C1orf87: variants seen among roughly 807,000 people sequenced by gnomAD.
C1orf87 encodes chromosome 1 open reading frame 87.
A neutral mutation model predicts 60.5 loss-of-function variants in C1orf87; 58 were observed. The ratio of observed to expected loss-of-function variants is 0.96; its 90% CI spans 0.78 to 1.19. The LOEUF (loss-of-function observed/expected upper bound fraction) is 1.19. Ranked by LOEUF, C1orf87 falls within the 50% of genes most tolerant of loss-of-function variation. The probability of loss-of-function intolerance (pLI) is 0.00; values close to 1 mark genes in which losing one functional copy is unlikely to be tolerated. For missense variants in C1orf87, 673 were observed against 638.6 expected, an observed-to-expected ratio of 1.05 and a Z score of -0.58; for synonymous variants, 236 against 227.4, an observed-to-expected ratio of 1.04 and a Z score of -0.34.
chr1:59,997,704 G>C lies in C1orf87; in HGVS notation c.1385C>G (p.Pro462Arg). 1 of 1,613,972 alleles carries C rather than the reference G, an allele frequency of 6.2e-7. No homozygotes were observed. Among genetic ancestry groups the C allele is most frequent in the East Asian group, 2.2e-5 (1 of 44,870 alleles). ...TTCCTCAGCCTTGTTCTTCACAGCT[G>C]GATTCACGAAGGGCTGGGAGACTGG... ...IRPVSQPFVNPAVKNKAEECE... is the reference protein window; with the variant it reads ...IRPVSQPFVNRAVKNKAEECE... Residue 462 changes from proline (P) to arginine (R), a missense_variant, in exon 11 of 12, where the codon CCA becomes CGA. Pro to Arg is a moderately radical substitution (Grantham distance 103, BLOSUM62 -2). Transcript: ENST00000371201.
chr1:60,024,049 T>C (rs11803780), intron 8 of C1orf87, among the ~76,000 whole-genome samples: 2,308 of 152,322 alleles, frequency 0.015, 48 homozygotes, highest in African/African-American at 0.053. Context: ...TTTATAAGTG[T>C]TCTTTTAATA....
chr1:60,054,534 T>C (rs556248682), intron 3 of C1orf87, among the ~76,000 whole-genome samples: 9 of 152,376 alleles, frequency 5.9e-5, no homozygotes, highest in Admixed American at 5.2e-4. Flanking sequence ...CTTGGCAGCA[T>C]TGCAAAACTC....
At chr1:59,997,003 TG>T (rs1267840231) in intron 11 of C1orf87, among the ~76,000 whole-genome samples, 4 of 152,100 alleles carry the variant, frequency 2.6e-5, no homozygotes, top group Non-Finnish European at 1.5e-5. Context: ...TAGATCTGTC[TG>T]GGAGTCTCAG....
chr1:59,996,034 A>G (rs960487768), intron 11 of C1orf87, among the ~76,000 whole-genome samples: 1 of 152,166 alleles, frequency 6.6e-6, no homozygotes, highest in Non-Finnish European at 1.5e-5. Context: ...TAATTCAACC[A>G]GATGAATCTT....
At chr1:60,025,845 A>T (rs1213708837) in intron 7 of C1orf87, among the ~76,000 whole-genome samples, 2 of 152,172 alleles carry the variant, frequency 1.3e-5, no homozygotes, top group Non-Finnish European at 2.9e-5. Flanking sequence ...ATATAGGTAA[A>T]TTGCTAAATG....
chr1:60,066,069 C>A (rs1240210239), intron 2 of C1orf87, among the ~76,000 whole-genome samples: 2 of 152,130 alleles, frequency 1.3e-5, no homozygotes, highest in East Asian at 1.9e-4. Context: ...TGCTAATAAT[C>A]ATCTGTGAGC....
chr1:60,061,303 A>G (rs1645495032), intron 2 of C1orf87, among the ~76,000 whole-genome samples: 1 of 152,138 alleles, frequency 6.6e-6, no homozygotes, highest in African/African-American at 2.4e-5. Flanking sequence ...CAAAGCTTCC[A>G]TATACACACA....
chr1:60,007,156 C>T (rs1645052514), intron 9 of C1orf87, among the ~76,000 whole-genome samples: 1 of 152,064 alleles, frequency 6.6e-6, no homozygotes, highest in African/African-American at 2.4e-5. Flanking sequence ...AAGTGATCCT[C>T]CCACTTAGGC....
chr1:60,054,647 T>C (rs1645439793), intron 3 of C1orf87, among the ~76,000 whole-genome samples: 1 of 152,228 alleles, frequency 6.6e-6, no homozygotes, highest in African/African-American at 2.4e-5. Flanking sequence ...CAGTTTTCAA[T>C]TGCTGCTTTA....
chr1:60,070,929 G>A (rs1286004329), intron 2 of C1orf87, among the ~76,000 whole-genome samples: 6 of 152,148 alleles, frequency 3.9e-5, no homozygotes. Flanking sequence ...GTTTGGGAGA[G>A]AATAAGGCTA....
At chr1:60,061,143 G>C (rs571807035) in intron 2 of C1orf87, among the ~76,000 whole-genome samples, 7 of 152,096 alleles carry the variant, frequency 4.6e-5, no homozygotes, top group Non-Finnish European at 8.8e-5. Flanking sequence ...AATCATTATT[G>C]CTATGTTATT....
Position 60,038,001 on chromosome 1 carries a change from T to A in C1orf87, c.854A>T (p.His285Leu), listed in dbSNP as rs557540091. ...AAAGGGAGAAGAGTACCTTTGGCTA[T>A]GAGTGCCATGACTCTCAGTTTTTCT... Reference protein sequence around the residue: ...DLRKTESHGTHSQSTPPQHSS... With the variant: ...DLRKTESHGTLSQSTPPQHSS... The change falls in exon 6 of 12, where the codon CAT becomes CTT. Residue 285 changes from histidine to leucine, a missense_variant. Physicochemically the swap from His to Leu is moderately conservative, Grantham distance 99. Transcript: ENST00000371201. The A allele has an allele frequency of 2.5e-6, 4 of 1,606,614 alleles. No homozygotes were observed. Among genetic ancestry groups the A allele is most frequent in the African/African-American group, 1.3e-5 (1 of 74,984 alleles).
At chr1:60,068,087 T>C (rs1450835839) in intron 2 of C1orf87, among the ~76,000 whole-genome samples, 1 of 152,164 alleles carries the variant, frequency 6.6e-6, no homozygotes, top group Non-Finnish European at 1.5e-5. Flanking sequence ...TATTTCATAA[T>C]GCCCTCTACT....
rs958614279 is a variant in C1orf87, at chr1:60,072,405, T to C, written c.107+132A>G. The C allele has an allele frequency of 4.9e-6, 3 of 615,336 alleles. No individual in the cohort carries two copies. In the African/African-American group the frequency reaches 5.6e-5, roughly 11 times the overall value. The allele number at this position is 615,336 out of a possible 1,614,324, so 38.1% of individuals were successfully genotyped here. On this transcript the variant is annotated intron_variant, in intron 2 of 11. Coordinates refer to ENST00000371201, the MANE Select transcript of C1orf87 (RefSeq NM_152377.3). ...TGGAAGTTATCAACACGATTTTACC[T>C]CTACTGTTGCATCTTAATGACTTCG...
chr1:60,026,497 G>A (rs993807129), intron 7 of C1orf87, among the ~76,000 whole-genome samples: 4 of 150,898 alleles, frequency 2.7e-5, no homozygotes, highest in Non-Finnish European at 4.4e-5. Flanking sequence ...AGAGAGAAGA[G>A]GGGAGAGTAC....
intron 9 of C1orf87, among the ~76,000 whole-genome samples, chr1:60,002,830 G>A (rs1645016930): frequency 4.0e-5 from 6 of 150,308 alleles, no homozygotes; most frequent in Non-Finnish European, 8.9e-5. Flanking sequence ...AACAGGTGCT[G>A]GAGAGGATGT....
intron 2 of C1orf87, among the ~76,000 whole-genome samples, chr1:60,060,090 CTT>C (rs551034497): frequency 2.1e-5 from 3 of 142,906 alleles, no homozygotes. Flanking sequence ...GTTTCTTTTT[CTT>C]TTTTTTTTTT....
intron 4 of C1orf87, among the ~76,000 whole-genome samples, chr1:60,040,437 C>T (rs1175823825): frequency 6.6e-6 from 1 of 152,218 alleles, no homozygotes; most frequent in East Asian, 1.9e-4. Context: ...CTTTAACATA[C>T]ATCATTTGCC....
chr1:60,046,079 T>C (rs1645365591), intron 3 of C1orf87, among the ~76,000 whole-genome samples: 1 of 151,932 alleles, frequency 6.6e-6, no homozygotes, highest in Admixed American at 6.6e-5. Flanking sequence ...CTTCCTTCCT[T>C]CCTTCCTGCT....
Sources: gnomAD v4.1 joint callset for allele counts (sites outside exome capture counted in the v4.1 genomes callset) on GRCh38, gnomAD v4.1.1 for gene constraint, MANE v1.5 for transcripts, NCBI Gene and HGNC (gene_info 2026-07-23, HGNC 2026-07-21) for gene names.